The following ERBB4 variants were observed in gnomAD, a reference collection of about 807,000 sequenced individuals.
ERBB4 encodes receptor tyrosine-protein kinase erbB-4.
Under a neutral mutation model 158.0 loss-of-function variants are expected in ERBB4, and 42 were observed. That is an observed-to-expected ratio of 0.27 (90% CI 0.21 to 0.34). The LOEUF (loss-of-function observed/expected upper bound fraction) is 0.34. ERBB4 is among the 10% of genes least tolerant of loss of function. ERBB4 has a pLI of 1.00. For synonymous variants in ERBB4, 583 were observed against 558.7 expected, an observed-to-expected ratio of 1.04 and a Z score of -0.61; for missense variants, 1,333 against 1,624.1, an observed-to-expected ratio of 0.82 and a Z score of 3.08.
At chr2:211,388,572 GTTTTTT>G (rs1239077368) in intron 25 of ERBB4, among the ~76,000 whole-genome samples, 3 of 137,496 alleles carry the variant, frequency 2.2e-5, no homozygotes. Flanking sequence ...CATTTTTTTT[GTTTTTT>G]TTTTTTAAGT....
intron 1 of ERBB4, among the ~76,000 whole-genome samples, chr2:212,300,915 C>A (rs2086595852): frequency 6.6e-6 from 1 of 151,480 alleles, no homozygotes; most frequent in Non-Finnish European, 1.5e-5. Flanking sequence ...TCACTCAGGT[C>A]TCTATAAAGT....
At chr2:212,367,817 A>G (rs2089945006) in intron 1 of ERBB4, among the ~76,000 whole-genome samples, 1 of 152,182 alleles carries the variant, frequency 6.6e-6, no homozygotes, top group African/African-American at 2.4e-5. Flanking sequence ...AATGGCCAAC[A>G]AACATATGAA....
intron 3 of ERBB4, among the ~76,000 whole-genome samples, chr2:211,867,696 G>A (rs937458973): frequency 3.9e-5 from 6 of 152,144 alleles, no homozygotes; most frequent in African/African-American, 1.2e-4. Context: ...CTGAGTAGCT[G>A]AGACTATAGG....
chr2:211,750,438 G>A (rs2075098718), intron 5 of ERBB4, among the ~76,000 whole-genome samples: 1 of 152,060 alleles, frequency 6.6e-6, no homozygotes, highest in Non-Finnish European at 1.5e-5. Flanking sequence ...TAGAAACCAC[G>A]AAGAAACCTA....
intron 1 of ERBB4, among the ~76,000 whole-genome samples, chr2:212,128,733 A>G (rs747962099): frequency 1.3e-5 from 2 of 152,218 alleles, no homozygotes; most frequent in Non-Finnish European, 2.9e-5. Context: ...TAATGAAATT[A>G]CAGTATCATT....
intron 1 of ERBB4, among the ~76,000 whole-genome samples, chr2:212,368,817 C>A (rs2089984633): frequency 6.6e-6 from 1 of 152,082 alleles, no homozygotes; most frequent in Admixed American, 6.6e-5. Context: ...GAGATATGGC[C>A]TATTCTCCAC....
chr2:212,496,525 A>T (rs1433228830), intron 1 of ERBB4, among the ~76,000 whole-genome samples: 2 of 152,204 alleles, frequency 1.3e-5, no homozygotes, highest in African/African-American at 4.8e-5. Flanking sequence ...CAAAATTCTG[A>T]TGAACTAGAG....
chr2:212,340,256 T>C (rs1505355), intron 1 of ERBB4, among the ~76,000 whole-genome samples: 38,555 of 151,934 alleles, frequency 0.25, 5,191 homozygotes, highest in Non-Finnish European at 0.29. Flanking sequence ...CCCTTCTTTC[T>C]TCTATAGCAA....
At chr2:211,842,255 G>T (rs13031167) in intron 3 of ERBB4, among the ~76,000 whole-genome samples, 32,311 of 150,042 alleles carry the variant, frequency 0.22, 3,533 homozygotes, top group South Asian at 0.33. Flanking sequence ...AGGCTGTTGG[G>T]TTTTTTTTTG....
intron 16 of ERBB4, among the ~76,000 whole-genome samples, chr2:211,637,988 T>A (rs888052145): frequency 2.6e-4 from 40 of 152,144 alleles, no homozygotes; most frequent in Non-Finnish European, 7.4e-5. Flanking sequence ...TTATATTTAG[T>A]TATATCTTAA....
intron 1 of ERBB4, among the ~76,000 whole-genome samples, chr2:212,227,369 A>T (rs552831795): frequency 2.4e-4 from 37 of 152,270 alleles, no homozygotes; most frequent in African/African-American, 8.9e-4. Flanking sequence ...AAAACCTGAG[A>T]AAGTCATGAT....
At chr2:212,150,934 C>T (rs2080846577) in intron 1 of ERBB4, among the ~76,000 whole-genome samples, 1 of 152,134 alleles carries the variant, frequency 6.6e-6, no homozygotes, top group African/African-American at 2.4e-5. Flanking sequence ...CCACTTAAAA[C>T]ATAATGACAG....
intron 2 of ERBB4, among the ~76,000 whole-genome samples, chr2:212,013,034 C>T (rs973735996): frequency 1.3e-5 from 2 of 151,552 alleles, no homozygotes; most frequent in African/African-American, 4.9e-5. Context: ...CATGAGACAC[C>T]ATGCCCAGCC....
intron 5 of ERBB4, among the ~76,000 whole-genome samples, chr2:211,727,323 C>T (rs1294577413): frequency 6.6e-6 from 1 of 152,156 alleles, no homozygotes; most frequent in East Asian, 1.9e-4. Flanking sequence ...TTCTATGGCA[C>T]TTATACATTT....
At chr2:211,974,339 C>T (rs958397602) in intron 2 of ERBB4, among the ~76,000 whole-genome samples, 1 of 151,552 alleles carries the variant, frequency 6.6e-6, no homozygotes, top group Non-Finnish European at 1.5e-5. Context: ...ACTCCATGCA[C>T]ATGTAAAGGA....
At position 211,813,017 on chromosome 2, in the gene ERBB4, C is replaced by T. The variant is rs572435627; in HGVS notation, c.422-24858G>A. 1.7e-3 allele frequency among the ~76,000 whole-genome samples: 254 copies of T among 152,308 alleles called. 2 individuals are homozygous for T. The highest frequency in any genetic ancestry group is 2.3e-3 in the Non-Finnish European group (159 of 68,034). On this transcript the variant is annotated intron_variant, in intron 3 of 27. Transcript: ENST00000342788. ...GCACTTCCCGGGTGAGGTGATGTCC[C>T]GCCCTGTTCCAGCTCGCCCTCTGTG...
chr2:212,376,998 G>A (rs1312109783), intron 1 of ERBB4, among the ~76,000 whole-genome samples: 3 of 151,782 alleles, frequency 2.0e-5, no homozygotes, highest in African/African-American at 7.3e-5. Context: ...ACACAGAATT[G>A]TTGGGAGAGA....
Position 211,665,358 on chromosome 2 carries a change from C to T in ERBB4, c.1836G>A (p.Arg612=), listed in dbSNP as rs2105918754. 6.2e-7 allele frequency: 1 copy of T among 1,614,098 alleles called. No individual in the cohort carries two copies. Among genetic ancestry groups the T allele is most frequent in the Non-Finnish European group, 8.5e-7 (1 of 1,180,018 alleles). The change falls in exon 15 of 28, where the codon CGG becomes CGA. Residue 612 remains arginine (R), a synonymous_variant. Transcript: ENST00000342788. Reference sequence around the variant, plus strand: ...AGTTTGGATGGCATGGGTGGCACTCCCGATCTGGATCAGCATACTTGAAAA... The same window carrying T: ...AGTTTGGATGGCATGGGTGGCACTCTCGATCTGGATCAGCATACTTGAAAA... ...SFIFKYADPD[R]ECHPCHPNCT...
chr2:211,875,488 C>T (rs2078476321), intron 3 of ERBB4, among the ~76,000 whole-genome samples: 1 of 152,156 alleles, frequency 6.6e-6, no homozygotes, highest in Non-Finnish European at 1.5e-5. Context: ...CAGTCATGAA[C>T]TACACAATGT....
Sources: gnomAD v4.1 joint callset for allele counts (sites outside exome capture counted in the v4.1 genomes callset) on GRCh38, gnomAD v4.1.1 for gene constraint, MANE v1.5 for transcripts, NCBI Gene and HGNC (gene_info 2026-07-23, HGNC 2026-07-21) for gene names.